BMPR1B: variants seen among roughly 807,000 people sequenced by gnomAD.
BMPR1B encodes the protein bone morphogenetic protein receptor type 1B.
In BMPR1B, 12 loss-of-function variants were observed where a neutral mutation model predicts 59.1. The ratio of observed to expected loss-of-function variants is 0.20; its 90% confidence interval spans 0.13 to 0.33. BMPR1B has a LOEUF of 0.33. BMPR1B is among the 10% of genes least tolerant of loss of function. BMPR1B has a pLI of 1.00. For synonymous variants in BMPR1B, 237 were observed against 207.3 expected (o/e 1.14, Z -1.23); for missense variants, 550 against 610.9 (o/e 0.90, Z 1.05).
intron 2 of BMPR1B, among the ~76,000 whole-genome samples, chr4:94,879,351 G>C (rs909648679): frequency 2.0e-5 from 3 of 152,188 alleles, no homozygotes; most frequent in African/African-American, 4.8e-5. Context: ...GTTTACATTT[G>C]ATTCTTTGGG....
At chr4:94,960,151 G>A (rs1229416019) in intron 2 of BMPR1B, among the ~76,000 whole-genome samples, 3 of 152,068 alleles carry the variant, frequency 2.0e-5, no homozygotes, top group Non-Finnish European at 4.4e-5. Flanking sequence ...TTTTAAGATG[G>A]CAGCTTTTGT....
chr4:94,926,817 A>G (rs1478382093), intron 2 of BMPR1B, among the ~76,000 whole-genome samples: 1 of 152,126 alleles, frequency 6.6e-6, no homozygotes, highest in Non-Finnish European at 1.5e-5. Flanking sequence ...CTAGTAGATA[A>G]TGTTTAGAAA....
At chr4:95,029,876 G>T (rs1454023801) in intron 3 of BMPR1B, among the ~76,000 whole-genome samples, 1 of 152,116 alleles carries the variant, frequency 6.6e-6, no homozygotes, top group Admixed American at 6.5e-5. Context: ...GTGATGATGA[G>T]CATTTTTTCA....
At chr4:94,854,431 G>A (rs1725677863) in intron 1 of BMPR1B, among the ~76,000 whole-genome samples, 1 of 152,116 alleles carries the variant, frequency 6.6e-6, no homozygotes, top group African/African-American at 2.4e-5. Context: ...TGTTGTATCA[G>A]TGACTCAGAA....
At chr4:94,827,351 T>C (rs1007093032) in intron 1 of BMPR1B, among the ~76,000 whole-genome samples, 2 of 152,204 alleles carry the variant, frequency 1.3e-5, no homozygotes, top group Non-Finnish European at 2.9e-5. Context: ...AAAAAGTGTA[T>C]ATAAACTTTA....
chr4:94,912,416 C>A (rs748967570), intron 2 of BMPR1B, among the ~76,000 whole-genome samples: 3 of 152,118 alleles, frequency 2.0e-5, no homozygotes, highest in African/African-American at 7.2e-5. Flanking sequence ...AGCTGATAGA[C>A]ACTCCACTTT....
At chr4:95,042,828 G>C (rs1445350381) in intron 3 of BMPR1B, among the ~76,000 whole-genome samples, 1 of 152,036 alleles carries the variant, frequency 6.6e-6, no homozygotes, top group African/African-American at 2.4e-5. Flanking sequence ...TCAGTTTCTT[G>C]CCTGAGATAG....
At chr4:94,844,752 T>A (rs1200007458) in intron 1 of BMPR1B, among the ~76,000 whole-genome samples, 4 of 152,152 alleles carry the variant, frequency 2.6e-5, no homozygotes. Context: ...GATTTTGCTC[T>A]GGGAAAGAAA....
At chr4:94,864,563 G>C (rs1726129963) in intron 1 of BMPR1B, among the ~76,000 whole-genome samples, 1 of 152,086 alleles carries the variant, frequency 6.6e-6, no homozygotes, top group Non-Finnish European at 1.5e-5. Flanking sequence ...TAGATCTTTT[G>C]ATAAGGGCCA....
intron 1 of BMPR1B, among the ~76,000 whole-genome samples, chr4:94,785,058 T>G (rs1167840048): frequency 1.3e-5 from 2 of 152,152 alleles, no homozygotes; most frequent in East Asian, 3.9e-4. Context: ...TGGTGGGAGA[T>G]AGAAAGGAGC....
rs376656383 is a variant in BMPR1B at position 94,941,877 on chromosome 4, A to G, written c.-112-54163A>G. ...GCTTCTGTTGTTTTGCGTCTCAGAC[A>G]TCACTCATCCGTCTCCAACAGGTGT... is the stretch of plus-strand genomic sequence containing the variant. On this transcript the variant is annotated intron_variant, in intron 2 of 12. Transcript: ENST00000515059. Among the ~76,000 whole-genome samples, 19 of 152,340 alleles carry G rather than the reference A, an allele frequency of 1.2e-4. No homozygotes were observed. In the East Asian group the frequency reaches 3.7e-3, roughly 29 times the overall value.
At chr4:94,958,337 A>G (rs1200352434) in intron 2 of BMPR1B, among the ~76,000 whole-genome samples, 1 of 152,212 alleles carries the variant, frequency 6.6e-6, no homozygotes, top group Non-Finnish European at 1.5e-5. Flanking sequence ...TGCTAGGGTT[A>G]CCCTAACAAA....
At chr4:94,830,786 A>G (rs938793431) in intron 1 of BMPR1B, among the ~76,000 whole-genome samples, 8 of 152,190 alleles carry the variant, frequency 5.3e-5, no homozygotes, top group Non-Finnish European at 8.8e-5. Context: ...GCCTAGTGAC[A>G]CTGTAGCCAT....
chr4:95,109,435 C>G (rs527717278), intron 4 of BMPR1B, among the ~76,000 whole-genome samples: 2 of 152,142 alleles, frequency 1.3e-5, no homozygotes, highest in African/African-American at 4.8e-5. Context: ...GCTTTTTAAA[C>G]CTCTTACTGA....
intron 3 of BMPR1B, among the ~76,000 whole-genome samples, chr4:95,029,933 C>T (rs1362118503): frequency 1.3e-5 from 2 of 152,074 alleles, no homozygotes; most frequent in South Asian, 2.1e-4. Context: ...AGTGTCTGTT[C>T]ATATCCTTTG....
In BMPR1B at chr4:94,794,895, C is replaced by A. The variant is rs369862997; in HGVS notation, c.-183+36827C>A. ...GTATCCTGAGACTTTGCTGAAGTTG[C>A]TTATCAGCTTAAGGAGATTTTGGGC... On this transcript the variant is annotated intron_variant, in intron 1 of 12. Coordinates refer to ENST00000515059, the MANE Select transcript of BMPR1B (RefSeq NM_001203.3). 2.2e-4 allele frequency among the ~76,000 whole-genome samples: 32 copies of A among 145,776 alleles called. No homozygotes were observed. In the East Asian group the frequency reaches 3.5e-3, roughly 16 times the overall value.
At chr4:95,036,239 C>A (rs1725235520) in intron 3 of BMPR1B, among the ~76,000 whole-genome samples, 1 of 152,050 alleles carries the variant, frequency 6.6e-6, no homozygotes, top group Non-Finnish European at 1.5e-5. Context: ...TTACTCTTTT[C>A]ATTATTTTAA....
intron 2 of BMPR1B, among the ~76,000 whole-genome samples, chr4:94,907,722 TTGTA>T (rs1728101761): frequency 6.6e-6 from 1 of 151,946 alleles, no homozygotes; most frequent in Admixed American, 6.6e-5. Context: ...TACGGTTTGC[TTGTA>T]TGTGTTTGTC....
rs1735151958 is a variant in BMPR1B at position 95,152,859 on chromosome 4, G to C, written c.1383+86G>C. ...CTAAAATTCCACATATTGATTGTAG[G>C]AATTCTTCTTTTTTTGATGGTGATG... is the stretch of plus-strand genomic sequence containing the variant. On this transcript the variant is annotated intron_variant, in intron 12 of 12. Transcript: ENST00000515059. 3.9e-6 allele frequency: 6 copies of C among 1,528,942 alleles called. No individual in the cohort carries two copies. The Admixed American group carries it at 1.1e-4, about 29-fold the overall frequency. The allele number at this position is 1,528,942 out of a possible 1,614,324, so 94.7% of individuals were successfully genotyped here.
Sources: allele counts gnomAD v4.1 joint callset (sites outside exome capture counted in the v4.1 genomes callset), GRCh38; gene constraint gnomAD v4.1.1; transcripts MANE v1.5; gene names NCBI Gene and HGNC (gene_info 2026-07-23, HGNC 2026-07-21).